Variants in SMARCA4 observed in about 807,000 individuals in gnomAD.
SMARCA4 encodes SWI/SNF related BAF chromatin remodeling complex subunit ATPase 4, also known as SWI/SNF-related matrix-associated actin-dependent regulator of chromatin subfamily A member 4.
In SMARCA4, 31 loss-of-function variants were observed where a neutral mutation model predicts 193.9. That is an observed-to-expected ratio of 0.16 (90% CI 0.12 to 0.22). SMARCA4 has a LOEUF of 0.22. Among genes scored for constraint, SMARCA4 ranks in the 10% least tolerant of loss-of-function variants. SMARCA4 has a pLI of 1.00. For synonymous variants in SMARCA4, 942 were observed against 933.1 expected (o/e 1.01, Z -0.17); for missense variants, 1,148 against 2,296.0 (o/e 0.50, Z 10.22).
In SMARCA4 at chr19:10,995,924, C is replaced by T. The variant is rs11672232; in HGVS notation, c.1594-289C>T. The stretch of plus-strand genomic sequence containing the variant: ...CTTGGACTTGGTGGAGAGAAGGCTT[C>T]GGGTTTGGGGTGTATTTCGTGGACA... On this transcript the variant is annotated intron_variant, in intron 9 of 34. Transcript: ENST00000344626. 157,400 of 474,168 alleles carry T rather than the reference C, an allele frequency of 0.33. 27,418 individuals are homozygous for T. The highest frequency in any genetic ancestry group is 0.43 in the South Asian group (21,831 of 51,058). 29.4% of individuals were successfully genotyped at this position (474,168 alleles called of 1,614,324 possible).
chr19:10,991,617 G>A (rs1241940119), intron 8 of SMARCA4, among the ~76,000 whole-genome samples: 1 of 152,234 alleles, frequency 6.6e-6, no homozygotes, highest in African/African-American at 2.4e-5. Flanking sequence ...GATGTTGGGG[G>A]AGTTCTTTCT....
intron 1 of SMARCA4, among the ~76,000 whole-genome samples, chr19:10,973,634 A>G (rs2084863742): frequency 7.3e-6 from 1 of 136,350 alleles, no homozygotes; most frequent in Non-Finnish European, 1.5e-5. Context: ...CAGTGGCATG[A>G]TCTTGGCTCA....
Position 11,023,520 on chromosome 19 carries a change from G to C in SMARCA4, c.2862G>C (p.Val954=), listed in dbSNP as rs1180058136. 6.2e-7 allele frequency: 1 copy of C among 1,603,880 alleles called. No homozygotes were observed. Among genetic ancestry groups the C allele is most frequent in the Non-Finnish European group, 8.5e-7 (1 of 1,171,284 alleles). Residue 954 remains valine (V), a splice_region_variant and synonymous_variant, in exon 20 of 35, where the codon GTG becomes GTC. Coordinates refer to ENST00000344626, the MANE Select transcript of SMARCA4 (RefSeq NM_003072.5). ...TCTCCTGTCTTGGGGGCTTCCAGGTGGACCTGAATGAGGAGGAAACCATTC... is the reference window on the plus strand; with the variant it reads ...TCTCCTGTCTTGGGGGCTTCCAGGTCGACCTGAATGAGGAGGAAACCATTC... The part of the protein sequence containing the change: ...NAPFAMTGEK[V]DLNEEETILI...
At chr19:10,997,300 G>A (rs551398189) in intron 11 of SMARCA4, among the ~76,000 whole-genome samples, 6 of 151,960 alleles carry the variant, frequency 3.9e-5, no homozygotes, top group Non-Finnish European at 7.4e-5. Context: ...CTGGGTTCAC[G>A]CCATTCTCCT....
chr19:11,007,729 A>G (rs1457989428), intron 13 of SMARCA4, among the ~76,000 whole-genome samples, 173 bp from the exon 14 acceptor site: 2 of 152,124 alleles, frequency 1.3e-5, no homozygotes, highest in Non-Finnish European at 2.9e-5. Flanking sequence ...ATAATAATAA[A>G]TACATAATTT....
At chr19:11,020,841 CT>C (rs1022542718) in intron 18 of SMARCA4, 224 of 143,908 alleles carry the variant, frequency 1.6e-3, no homozygotes, top group Admixed American at 1.6e-3. Flanking sequence ...TTTTTCTCTT[CT>C]TTTTTTTTTT....
intron 1 of SMARCA4, among the ~76,000 whole-genome samples, chr19:10,966,848 G>A (rs1004264914): frequency 2.5e-4 from 37 of 147,832 alleles, no homozygotes; most frequent in African/African-American, 9.0e-4. Flanking sequence ...AGATCGTGCC[G>A]CTGCACTCCA....
At chr19:11,006,694 A>G (rs947024903) in intron 13 of SMARCA4, among the ~76,000 whole-genome samples, 1 of 152,220 alleles carries the variant, frequency 6.6e-6, no homozygotes, top group African/African-American at 2.4e-5. Context: ...TCAGCAGAGA[A>G]TAGACGTGTA....
In SMARCA4 at chr19:11,033,880, T is replaced by G; in HGVS notation, c.3873+15T>G. ...CACCTCTAAAGGTGAGAGGGGTAGT[T>G]CAGTCTCCATGCCCATTCAATCCTC... On this transcript the variant is annotated intron_variant, in intron 27 of 34. Transcript: ENST00000344626. This position sits in a 1 kb window ranked among gnomAD's most constrained non-coding sequence, Gnocchi z 9.8. The G allele has an allele frequency of 1.3e-6, 1 of 776,906 alleles. No individual in the cohort carries two copies. Among genetic ancestry groups the G allele is most frequent in the Non-Finnish European group, 2.4e-6 (1 of 417,872 alleles). 48.1% of individuals were successfully genotyped at this position (776,906 alleles called of 1,614,324 possible).
At chr19:10,993,404 A>G (rs144577267) in intron 8 of SMARCA4, among the ~76,000 whole-genome samples, 207 of 152,362 alleles carry the variant, frequency 1.4e-3, no homozygotes, top group Non-Finnish European at 2.5e-3. Context: ...GAGGACATGC[A>G]GCATGTTTCA....
chr19:10,985,190 G>A lies in SMARCA4; in HGVS notation c.223-83G>A, dbSNP rs1400824560. The A allele has an allele frequency of 1.1e-5, 17 of 1,483,880 alleles. 1 individual carries two copies. Among genetic ancestry groups the A allele is most frequent in the Middle Eastern group, 3.5e-4 (2 of 5,698 alleles). The allele number at this position is 1,483,880 out of a possible 1,614,324, so 91.9% of individuals were successfully genotyped here. A position where few individuals can be genotyped will look rare whatever the true frequency, so the allele number is the denominator to read the frequency against. ...TCGGGTGGCTGTTCTCGGTGCCCTC[G>A]AGCTTCTCTCGGGCAGCGCATAGCT... On this transcript the variant is annotated intron_variant, in intron 2 of 34. Coordinates refer to ENST00000344626, the MANE Select transcript of SMARCA4 (RefSeq NM_003072.5). This position sits in a 1 kb window ranked among gnomAD's most constrained non-coding sequence, Gnocchi z 4.5.
rs2146828187 is a variant in SMARCA4 at position 11,041,648 on chromosome 19, C to A, written c.4424+88C>A. Reference sequence around the variant, plus strand: ...TGCACTCTGACTCTGCACACTCAGGCTTGGGCCGCTCACTCTTTCACTCAT... The same window carrying A: ...TGCACTCTGACTCTGCACACTCAGGATTGGGCCGCTCACTCTTTCACTCAT... On this transcript the variant is annotated intron_variant, in intron 30 of 34. Coordinates refer to ENST00000344626, the MANE Select transcript of SMARCA4 (RefSeq NM_003072.5). This position sits in a 1 kb window ranked among gnomAD's most constrained non-coding sequence, Gnocchi z 5.6. 1 of 1,191,854 alleles carries A rather than the reference C, an allele frequency of 8.4e-7. No individual in the cohort carries two copies. The allele number at this position is 1,191,854 out of a possible 1,614,324, so 73.8% of individuals were successfully genotyped here. A position where few individuals can be genotyped will look rare whatever the true frequency, so the allele number is the denominator to read the frequency against.
chr19:11,035,254 C>T, intron 29 of SMARCA4, 122 bp downstream of exon 29: 1 of 924,036 alleles, frequency 1.1e-6, no homozygotes, highest in East Asian at 2.6e-5. Flanking sequence ...CCACTCCTGG[C>T]CAGGCTCCGC....
chr19:11,010,598 G>A (rs1213115145), intron 15 of SMARCA4, 67 bp downstream of exon 15: 11 of 1,519,196 alleles, frequency 7.2e-6, no homozygotes, highest in Middle Eastern at 1.7e-4. Context: ...CAGGTGGTGC[G>A]GGCTTCAGAC....
In SMARCA4 at chr19:11,033,366, A is replaced by G. The variant is rs2146650410; in HGVS notation, c.3623A>G (p.Asn1208Ser). Residue 1208 changes from asparagine (N) to serine (S), a missense_variant, in exon 26 of 35, where the codon AAC becomes AGC. Coordinates refer to ENST00000344626, the MANE Select transcript of SMARCA4 (RefSeq NM_003072.5). This position sits in a 1 kb window ranked among gnomAD's most constrained non-coding sequence, Gnocchi z 9.8. ...EVRVLRLCTV[N>S]SVEEKILAAA... Reference sequence around the variant, plus strand: ...CGTGTGCTCCGCCTCTGCACCGTCAACAGCGTGGAGGAGAAGATCCTAGCT... The same window carrying G: ...CGTGTGCTCCGCCTCTGCACCGTCAGCAGCGTGGAGGAGAAGATCCTAGCT... 1 of 1,613,388 alleles carries G rather than the reference A, an allele frequency of 6.2e-7. No homozygotes were observed. Among genetic ancestry groups the G allele is most frequent in the Non-Finnish European group, 8.5e-7 (1 of 1,180,024 alleles).
At chr19:11,016,092 C>T (rs948751739) in intron 16 of SMARCA4, 1 of 152,132 alleles carries the variant, frequency 6.6e-6, no homozygotes, top group African/African-American at 2.4e-5. Flanking sequence ...AGGCGGATTC[C>T]ACTCCTGGTG....
At chr19:11,045,688 A>G (rs117242104) in intron 30 of SMARCA4, among the ~76,000 whole-genome samples, 137 of 151,894 alleles carry the variant, frequency 9.0e-4, no homozygotes, top group Non-Finnish European at 1.4e-3. Context: ...TCTTAGGGTC[A>G]TATTTAGTTG....
At position 11,034,784 on chromosome 19, in the gene SMARCA4, G is replaced by A. The variant is rs1478587631; in HGVS notation, c.3952-130G>A. On this transcript the variant is annotated intron_variant, in intron 28 of 34. Transcript: ENST00000344626. The surrounding 1 kb of genome is among the most constrained non-coding windows in gnomAD (Gnocchi z 7.0). ...AGCCACTGAAAAATCGAGAGCTACT[G>A]TTTAACTCTCGCAGCAGCGTGGAGC... The A allele has an allele frequency of 1.8e-5, 13 of 720,778 alleles. No individual in the cohort carries two copies. Among genetic ancestry groups the A allele is most frequent in the South Asian group, 4.5e-5 (3 of 66,952 alleles). The allele number at this position is 720,778 out of a possible 1,614,324, so 44.6% of individuals were successfully genotyped here. A position where few individuals can be genotyped will look rare whatever the true frequency, so the allele number is the denominator to read the frequency against.
rs2088720436 is a variant in SMARCA4 at position 11,010,497 on chromosome 19, C to T, written c.2240C>T (p.Ala747Val). 1 of 1,613,890 alleles carries T rather than the reference C, an allele frequency of 6.2e-7. No individual in the cohort carries two copies. Among genetic ancestry groups the T allele is most frequent in the African/African-American group, 1.3e-5 (1 of 74,874 alleles). The change falls in exon 15 of 35, where the codon GCG becomes GTG. Residue 747 changes from alanine (A) to valine (V), a missense_variant. This residue lies in a region of SMARCA4 where 9 missense variants were observed against 16.2 expected (regional missense o/e 0.56). Coordinates refer to ENST00000344626, the MANE Select transcript of SMARCA4 (RefSeq NM_003072.5). ...ACTGAGAGAGTGGACAAGCAGTCAGCGCTTATGGTCAATGGTGTCCTCAAA... is the reference window on the plus strand; with the variant it reads ...ACTGAGAGAGTGGACAAGCAGTCAGTGCTTATGGTCAATGGTGTCCTCAAA... ...AVTERVDKQS[A>V]LMVNGVLKQY...
Sources: gnomAD v4.1 joint callset for allele counts (sites outside exome capture counted in the v4.1 genomes callset) on GRCh38, gnomAD v4.1.1 for gene constraint, gnomAD v4.1.1 regional missense constraint, Gnocchi (gnomAD v3.1) non-coding constraint, MANE v1.5 for transcripts, NCBI Gene and HGNC (gene_info 2026-07-23, HGNC 2026-07-21) for gene names.